The following EPHA8 variants were observed in gnomAD, a reference collection of about 807,000 sequenced individuals.
The protein encoded by EPHA8 is ephrin type-A receptor 8.
A neutral mutation model predicts 103.6 loss-of-function variants in EPHA8; 58 were observed. The ratio of observed to expected loss-of-function variants is 0.56; its 90% CI spans 0.45 to 0.70. The LOEUF is 0.70. Among genes scored for constraint, EPHA8 ranks in the 30% least tolerant of loss-of-function variants. The pLI is 0.00. For synonymous variants in EPHA8, 559 were observed against 572.5 expected (o/e 0.98, Z 0.34); for missense variants, 1,304 against 1,395.2 (o/e 0.93, Z 1.04).
chr1:22,596,427 G>A (rs528286487), intron 9 of EPHA8, among the ~76,000 whole-genome samples: 4 of 152,220 alleles, frequency 2.6e-5, no homozygotes, highest in East Asian at 1.9e-4. Flanking sequence ...GTATGATTTC[G>A]GGGTGGGAGT....
chr1:22,588,842 C>G, intron 4 of EPHA8, 29 bp from the exon 5 acceptor site: 1 of 1,549,798 alleles, frequency 6.5e-7, no homozygotes, highest in South Asian at 1.2e-5. Flanking sequence ...TAAATAACCA[C>G]TGCCCCATCT....
At chr1:22,572,947 C>T (rs1025318292) in intron 2 of EPHA8, among the ~76,000 whole-genome samples, 3 of 152,200 alleles carry the variant, frequency 2.0e-5, no homozygotes, top group African/African-American at 7.2e-5. Flanking sequence ...GACCATTGGC[C>T]CCGGTGGGGC....
intron 3 of EPHA8, among the ~76,000 whole-genome samples, chr1:22,584,172 C>T (rs1182124075): frequency 3.9e-5 from 6 of 152,226 alleles, no homozygotes; most frequent in Admixed American, 1.3e-4. Context: ...CCACCCCCAG[C>T]GGCCCCCGGG....
Position 22,597,784 on chromosome 1 carries a change from A to T in EPHA8, c.2039A>T (p.Asp680Val). 3.1e-6 allele frequency: 5 copies of T among 1,613,034 alleles called. No individual in the cohort carries two copies. The highest frequency in any genetic ancestry group is 4.2e-6 in the Non-Finnish European group (5 of 1,179,954). The change falls in exon 11 of 17, where the codon GAC (aspartate) becomes GTC (valine). Residue 680 changes from aspartate (D) to valine (V), a missense_variant. Transcript: ENST00000166244. This position sits in a 1 kb window ranked among gnomAD's most constrained non-coding sequence, Gnocchi z 4.6. ...KAGYTERQRR[D>V]FLSEASIMGQ... ...GGCTACACGGAGAGACAGAGGCGGG[A>T]CTTCCTGAGCGAGGCGTCCATCATG...
At chr1:22,568,879 A>G (rs968537567) in intron 1 of EPHA8, among the ~76,000 whole-genome samples, 3 of 152,122 alleles carry the variant, frequency 2.0e-5, no homozygotes, top group Admixed American at 6.5e-5. Context: ...TTATCACCCC[A>G]TTTTACAGAG....
chr1:22,593,089 C>T (rs985234241), intron 5 of EPHA8, among the ~76,000 whole-genome samples: 2 of 152,210 alleles, frequency 1.3e-5, no homozygotes, highest in African/African-American at 4.8e-5. Context: ...TTGTCCAAGC[C>T]AACCCCAACA....
chr1:22,577,918 AGTGTATGTGTGCG>A (rs1640770976), intron 3 of EPHA8, among the ~76,000 whole-genome samples: 1 of 14,360 alleles, frequency 7.0e-5, no homozygotes, highest in African/African-American at 3.4e-4. Context: ...TGTGTGCGTG[AGTGTATGTGTGCG>A]TGAGTGTATG....
At chr1:22,580,961 G>A (rs1386218465) in intron 3 of EPHA8, among the ~76,000 whole-genome samples, 1 of 152,208 alleles carries the variant, frequency 6.6e-6, no homozygotes, top group Non-Finnish European at 1.5e-5. Context: ...AAGGACCTTA[G>A]TGATGATTTT....
In EPHA8 at chr1:22,567,816, G is replaced by A. The variant is rs1014387045; in HGVS notation, c.95-1473G>A. On this transcript the variant is annotated intron_variant, in intron 1 of 16. Transcript: ENST00000166244. The surrounding 1 kb of genome is among the most constrained non-coding windows in gnomAD (Gnocchi z 4.2). ...TAACCCCCGTCACCTGCCCAAGCCCGCTGATTGGGGTGGTTAAAAGCCCAT... is the reference window on the plus strand; with the variant it reads ...TAACCCCCGTCACCTGCCCAAGCCCACTGATTGGGGTGGTTAAAAGCCCAT... 9.9e-5 allele frequency among the ~76,000 whole-genome samples: 15 copies of A among 152,134 alleles called. 1 individual carries two copies. Among genetic ancestry groups the A allele is most frequent in the African/African-American group, 2.2e-4 (9 of 41,440 alleles).
intron 3 of EPHA8, among the ~76,000 whole-genome samples, chr1:22,578,115 CGTGAGTGTATGCATGTGTGCAT>C (rs1435673478): frequency 7.2e-5 from 4 of 55,552 alleles, no homozygotes; most frequent in Non-Finnish European, 1.1e-4. Flanking sequence ...TGCATGTGTG[CGTGAGTGTATGCATGTGTGCAT>C]GTGTGTATGT....
chr1:22,590,022 G>A (rs1424890752), intron 5 of EPHA8, among the ~76,000 whole-genome samples: 2 of 152,204 alleles, frequency 1.3e-5, no homozygotes, highest in Admixed American at 1.3e-4. Context: ...CCAGGTCTGT[G>A]TCACTCCCAA....
Position 22,597,285 on chromosome 1 carries a change from A to G in EPHA8, c.1766-27A>G. On this transcript the variant is annotated intron_variant, in intron 9 of 16. Coordinates refer to ENST00000166244, the MANE Select transcript of EPHA8 (RefSeq NM_020526.5). The surrounding 1 kb of genome is among the most constrained non-coding windows in gnomAD (Gnocchi z 4.6). Reference sequence around the variant, plus strand: ...GAAAAAGCAATCTCTCCTGGGCCCCACTGAAGGCCCTCCTCCCGCCCCTCA... The same window carrying G: ...GAAAAAGCAATCTCTCCTGGGCCCCGCTGAAGGCCCTCCTCCCGCCCCTCA... The G allele has an allele frequency of 6.4e-7, 1 of 1,570,032 alleles. No individual in the cohort carries two copies. The highest frequency in any genetic ancestry group is 2.3e-5 in the East Asian group (1 of 44,356).
chr1:22,583,453 G>A (rs1424238779), intron 3 of EPHA8, among the ~76,000 whole-genome samples: 3 of 152,194 alleles, frequency 2.0e-5, no homozygotes, highest in Non-Finnish European at 2.9e-5. Flanking sequence ...CTGGGAGGAC[G>A]GGGGGAAAGG....
At chr1:22,581,887 C>G (rs1641056916) in intron 3 of EPHA8, among the ~76,000 whole-genome samples, 1 of 152,164 alleles carries the variant, frequency 6.6e-6, no homozygotes, top group African/African-American at 2.4e-5. Context: ...TTTCTCAGCC[C>G]CGTTGGTGGC....
chr1:22,597,809 G>A lies in EPHA8; in HGVS notation c.2064G>A (p.Met688Ile). ...RRDFLSEASI[M>I]GQFDHPNIIR... Reference sequence around the variant, plus strand: ...ACTTCCTGAGCGAGGCGTCCATCATGGGGCAATTCGACCATCCCAACATCA... The same window carrying A: ...ACTTCCTGAGCGAGGCGTCCATCATAGGGCAATTCGACCATCCCAACATCA... Residue 688 changes from methionine to isoleucine, a missense_variant, in exon 11 of 17, where the codon ATG becomes ATA. Met to Ile is a conservative substitution (Grantham distance 10). Transcript: ENST00000166244. This position sits in a 1 kb window ranked among gnomAD's most constrained non-coding sequence, Gnocchi z 4.6. 1 of 1,613,134 alleles carries A rather than the reference G, an allele frequency of 6.2e-7. No homozygotes were observed. The highest frequency in any genetic ancestry group is 1.3e-5 in the African/African-American group (1 of 75,044).
rs774791599 is a variant in EPHA8 at position 22,597,625 on chromosome 1, C to T, written c.1931-51C>T. On this transcript the variant is annotated intron_variant, in intron 10 of 16. Transcript: ENST00000166244. This position sits in a 1 kb window ranked among gnomAD's most constrained non-coding sequence, Gnocchi z 4.6. The stretch of plus-strand genomic sequence containing the variant: ...CAAGGGCCTGGGAGGCTGGGGGAGT[C>T]TGAGGGTCCCACTGCCCTCCCTCCA... The T allele has an allele frequency of 1.3e-5, 20 of 1,558,520 alleles. No homozygotes were observed. Among genetic ancestry groups the T allele is most frequent in the Middle Eastern group, 1.8e-4 (1 of 5,636 alleles).
rs1456881354 is a variant in EPHA8 at position 22,593,310 on chromosome 1, G to A, written c.1316-16G>A. 2.6e-6 allele frequency: 4 copies of A among 1,553,412 alleles called. No individual in the cohort carries two copies. The highest frequency in any genetic ancestry group is 1.9e-5 in the Admixed American group (1 of 51,696). ...TTGTCTCCCCTCCGCCCATCTGACGGGATTGGCCGCCCCAGCCCCGTCCCA... is the reference window on the plus strand; with the variant it reads ...TTGTCTCCCCTCCGCCCATCTGACGAGATTGGCCGCCCCAGCCCCGTCCCA... On this transcript the variant is annotated splice_polypyrimidine_tract_variant and intron_variant, in intron 5 of 16. Coordinates refer to ENST00000166244, the MANE Select transcript of EPHA8 (RefSeq NM_020526.5).
chr1:22,600,840 G>A lies in EPHA8; in HGVS notation c.2538+30G>A, dbSNP rs200731849. 1.5e-3 allele frequency: 2,343 copies of A among 1,590,182 alleles called. 19 individuals carry two copies. The Middle Eastern group carries it at 0.017, about 12-fold the overall frequency. On this transcript the variant is annotated intron_variant, in intron 14 of 16. Transcript: ENST00000166244. Reference sequence around the variant, plus strand: ...GTGCCAAGCCCTGGCAGGTCCGCGGGCGGTGGAGCCTCAGGGTGCAGGGAG... The same window carrying A: ...GTGCCAAGCCCTGGCAGGTCCGCGGACGGTGGAGCCTCAGGGTGCAGGGAG...
intron 5 of EPHA8, 113 bp from the exon 6 acceptor site, chr1:22,593,213 C>G: frequency 6.9e-7 from 1 of 1,446,994 alleles, no homozygotes; most frequent in Non-Finnish European, 9.3e-7. Flanking sequence ...GCAGGACCAT[C>G]AGGAAGCTGA....
Sources: allele counts gnomAD v4.1 joint callset (sites outside exome capture counted in the v4.1 genomes callset), GRCh38; gene constraint gnomAD v4.1.1; non-coding constraint Gnocchi (gnomAD v3.1); transcripts MANE v1.5; gene names NCBI Gene and HGNC (gene_info 2026-07-23, HGNC 2026-07-21).